PTPRD: variants seen among roughly 807,000 people sequenced by gnomAD.
The protein encoded by PTPRD is receptor-type tyrosine-protein phosphatase delta.
In PTPRD, 34 loss-of-function variants were observed where a neutral mutation model predicts 214.5. The observed-to-expected ratio is 0.16, with a 90% CI of 0.12 to 0.21. The LOEUF (loss-of-function observed/expected upper bound fraction) is 0.21. Among genes scored for constraint, PTPRD ranks in the 10% least tolerant of loss-of-function variants. The probability of loss-of-function intolerance (pLI) is 1.00; values close to 1 mark genes in which losing one functional copy is unlikely to be tolerated. For missense variants in PTPRD, 2,545 were observed against 2,398.7 expected, an observed-to-expected ratio of 1.06 and a Z score of -1.27; for synonymous variants, 1,128 against 845.7, an observed-to-expected ratio of 1.33 and a Z score of -5.79.
chr9:9,779,839 G>A (rs1223443879), intron 5 of PTPRD, among the ~76,000 whole-genome samples: 2 of 152,164 alleles, frequency 1.3e-5, no homozygotes, highest in Non-Finnish European at 2.9e-5. Context: ...CTTGGGGAAA[G>A]CAGTTTGGAG....
At chr9:8,357,276 A>G (rs1212194633) in intron 39 of PTPRD, among the ~76,000 whole-genome samples, 1 of 152,210 alleles carries the variant, frequency 6.6e-6, no homozygotes, top group East Asian at 1.9e-4. Context: ...GAAAATGAAT[A>G]CAAATTCTTT....
At chr9:10,546,761 G>A (rs1257938518) in intron 2 of PTPRD, among the ~76,000 whole-genome samples, 1 of 152,004 alleles carries the variant, frequency 6.6e-6, no homozygotes, top group African/African-American at 2.4e-5. Flanking sequence ...TAAAAGTATA[G>A]TTTGCAAGAG....
intron 2 of PTPRD, among the ~76,000 whole-genome samples, chr9:10,518,839 G>GT (rs542756809): frequency 0.016 from 2,326 of 143,288 alleles, 50 homozygotes; most frequent in African/African-American, 0.048. Context: ...GCCTTACATT[G>GT]TTTTTTTTTT....
At chr9:8,632,023 C>T (rs2096268665) in intron 14 of PTPRD, among the ~76,000 whole-genome samples, 2 of 151,722 alleles carry the variant, frequency 1.3e-5, no homozygotes, top group African/African-American at 4.8e-5. Context: ...ATTGTCAATA[C>T]TTTCCCTGCA....
chr9:9,269,981 A>C (rs1368811158), intron 9 of PTPRD, among the ~76,000 whole-genome samples: 2 of 150,236 alleles, frequency 1.3e-5, no homozygotes, highest in African/African-American at 2.4e-5. Context: ...AATATTAATT[A>C]ATAAAATTAA....
At chr9:9,974,604 A>C (rs2095283271) in intron 4 of PTPRD, among the ~76,000 whole-genome samples, 1 of 152,142 alleles carries the variant, frequency 6.6e-6, no homozygotes, top group East Asian at 1.9e-4. Context: ...TTTCCGGATA[A>C]ATTTCCTAGG....
chr9:8,488,630 C>A (rs1308650321), intron 27 of PTPRD, among the ~76,000 whole-genome samples: 1 of 152,208 alleles, frequency 6.6e-6, no homozygotes, highest in Non-Finnish European at 1.5e-5. Flanking sequence ...ACTGTGTGAA[C>A]TATTCCACTT....
intron 5 of PTPRD, among the ~76,000 whole-genome samples, chr9:9,822,203 G>A (rs1009874544): frequency 6.6e-6 from 1 of 150,552 alleles, no homozygotes; most frequent in Non-Finnish European, 1.5e-5. Context: ...ATGAGGTCAA[G>A]AGATCAAGAC....
chr9:8,464,732 T>C (rs2096507592), intron 32 of PTPRD, among the ~76,000 whole-genome samples: 1 of 150,914 alleles, frequency 6.6e-6, no homozygotes, highest in African/African-American at 2.4e-5. Context: ...TTTTTAAACA[T>C]TCAAAGTAAC....
At position 9,244,201 on chromosome 9, in the gene PTPRD, G is replaced by T. The variant is rs60410541; in HGVS notation, c.-202-60838C>A. On this transcript the variant is annotated intron_variant, in intron 9 of 45. Coordinates refer to ENST00000381196, the MANE Select transcript of PTPRD (RefSeq NM_002839.4). ...AGGAAGAATCAATATCGTGAAAATGGCCATACTGCCCAAGGTAATTTATAG... is the reference window on the plus strand; with the variant it reads ...AGGAAGAATCAATATCGTGAAAATGTCCATACTGCCCAAGGTAATTTATAG... Among the ~76,000 whole-genome samples, 28 of 152,144 alleles carry T rather than the reference G, an allele frequency of 1.8e-4. 1 individual carries two copies. The East Asian group carries it at 5.4e-3, about 29-fold the overall frequency.
chr9:10,074,704 G>T (rs1414017723), intron 3 of PTPRD, among the ~76,000 whole-genome samples: 1 of 151,952 alleles, frequency 6.6e-6, no homozygotes, highest in African/African-American at 2.4e-5. Context: ...GAAAGAGTGG[G>T]CTCCTGTGAA....
chr9:9,859,111 C>G (rs544478681), intron 5 of PTPRD, among the ~76,000 whole-genome samples: 4 of 152,088 alleles, frequency 2.6e-5, no homozygotes, highest in African/African-American at 4.8e-5. Context: ...GTGCAGCACT[C>G]CCCCATGCTC....
intron 3 of PTPRD, among the ~76,000 whole-genome samples, chr9:10,071,377 C>T (rs1226202578): frequency 6.6e-6 from 1 of 152,024 alleles, no homozygotes; most frequent in Non-Finnish European, 1.5e-5. Flanking sequence ...TCAAGACTTA[C>T]CGTAGAGCTA....
At chr9:8,898,625 C>G (rs1399475039) in intron 11 of PTPRD, among the ~76,000 whole-genome samples, 8 of 152,140 alleles carry the variant, frequency 5.3e-5, no homozygotes, top group African/African-American at 1.9e-4. Context: ...TCTACATCAA[C>G]TACTTTAATT....
chr9:10,166,242 T>G (rs1381951014), intron 3 of PTPRD, among the ~76,000 whole-genome samples: 1 of 131,746 alleles, frequency 7.6e-6, no homozygotes, highest in African/African-American at 2.9e-5. Flanking sequence ...ACTGAAAAAT[T>G]GAAAAAAAAA....
At chr9:10,060,939 T>C (rs1778515) in intron 3 of PTPRD, among the ~76,000 whole-genome samples, 12 of 113,388 alleles carry the variant, frequency 1.1e-4, no homozygotes, top group African/African-American at 4.2e-4. Context: ...TTTCTTTCTT[T>C]CTTTCTTTCT....
intron 2 of PTPRD, among the ~76,000 whole-genome samples, chr9:10,402,957 T>TTGAATTGAA: frequency 6.6e-6 from 1 of 151,544 alleles, no homozygotes. Flanking sequence ...TTTTCACCGC[T>TTGAATTGAA]TCCTCACAGC....
At chr9:9,888,763 G>A (rs2071995695) in intron 5 of PTPRD, among the ~76,000 whole-genome samples, 1 of 152,018 alleles carries the variant, frequency 6.6e-6, no homozygotes, top group African/African-American at 2.4e-5. Flanking sequence ...AAATTGCCCA[G>A]CCTCAAGTGT....
chr9:9,616,113 C>T (rs193042088), intron 7 of PTPRD, among the ~76,000 whole-genome samples: 7 of 152,150 alleles, frequency 4.6e-5, no homozygotes, highest in East Asian at 1.9e-4. Context: ...CAAATTGATA[C>T]GGTAATATAC....
Sources: allele counts gnomAD v4.1 joint callset (sites outside exome capture counted in the v4.1 genomes callset), GRCh38; gene constraint gnomAD v4.1.1; transcripts MANE v1.5; gene names NCBI Gene and HGNC (gene_info 2026-07-23, HGNC 2026-07-21).